PSMC1: variants seen among roughly 807,000 people sequenced by gnomAD.
PSMC1 encodes proteasome 26S subunit, ATPase 1, also known as 26S proteasome regulatory subunit 4.
A neutral mutation model predicts 49.8 loss-of-function variants in PSMC1; 5 were observed. That is an observed-to-expected ratio of 0.10 (90% CI 0.05 to 0.21). The LOEUF (loss-of-function observed/expected upper bound fraction) is 0.21. Among genes scored for constraint, PSMC1 ranks in the 10% least tolerant of loss-of-function variants. The probability of loss-of-function intolerance (pLI) is 1.00; values close to 1 mark genes in which losing one functional copy is unlikely to be tolerated. For synonymous variants in PSMC1, 155 were observed against 192.1 expected (o/e 0.81, Z 1.60); for missense variants, 181 against 535.7 (o/e 0.34, Z 6.54).
chr14:90,260,310 G>A, intron 3 of PSMC1, 99 bp downstream of exon 3: 3 of 787,072 alleles, frequency 3.8e-6, no homozygotes, highest in Non-Finnish European at 6.2e-6. Context: ...GGAAGTAGAG[G>A]GGCAACTGAA....
At chr14:90,265,561 C>T (rs1246740435) in intron 7 of PSMC1, among the ~76,000 whole-genome samples, 1 of 151,678 alleles carries the variant, frequency 6.6e-6, no homozygotes, top group Admixed American at 6.6e-5. Context: ...TGGTGACGTG[C>T]GCCTGTAGTC....
At position 90,265,613 on chromosome 14, in the gene PSMC1, C is replaced by T. The variant is rs191253344; in HGVS notation, c.691+447C>T. ...CTGAGGCAGGAGAATGGCATGAACCCGGGAGGCGGTGCTTGTAGTGAGCGG... is the reference window on the plus strand; with the variant it reads ...CTGAGGCAGGAGAATGGCATGAACCTGGGAGGCGGTGCTTGTAGTGAGCGG... On this transcript the variant is annotated intron_variant, in intron 7 of 10. Transcript: ENST00000261303. Among the ~76,000 whole-genome samples, 678 of 149,378 alleles carry T rather than the reference C, an allele frequency of 4.5e-3. 2 individuals carry two copies. The highest frequency in any genetic ancestry group is 7.7e-3 in the Non-Finnish European group (520 of 67,702).
In PSMC1 at chr14:90,260,189, T is replaced by C; in HGVS notation, c.132T>C (p.Asp44=). The change falls in exon 3 of 11, where the codon GAT becomes GAC. Residue 44 remains aspartate (D), a synonymous_variant. Coordinates refer to ENST00000261303, the MANE Select transcript of PSMC1 (RefSeq NM_002802.3). ...GKKKKKTKGP[D]AASKLPLVTP... ...AGAAGAAGAAAACAAAGGGACCAGA[T>C]GCTGCCAGCAAACTGCCACTGGGTA... The C allele has an allele frequency of 6.2e-7, 1 of 1,611,466 alleles. No homozygotes were observed. Among genetic ancestry groups the C allele is most frequent in the Non-Finnish European group, 8.5e-7 (1 of 1,178,286 alleles).
At chr14:90,260,440 A>T (rs1476216604) in intron 3 of PSMC1, among the ~76,000 whole-genome samples, 3 of 152,202 alleles carry the variant, frequency 2.0e-5, no homozygotes, top group Non-Finnish European at 4.4e-5. Context: ...ACTTTAAGAA[A>T]TGTCACCGTG....
rs146551745 is a variant in PSMC1 at position 90,257,332 on chromosome 14, T to A, written c.3+732T>A. Among the ~76,000 whole-genome samples the A allele has an allele frequency of 3.9e-5, 6 of 152,218 alleles. No homozygotes were observed. The East Asian group carries it at 1.2e-3, about 29-fold the overall frequency. ...GCAGACAATCATCAGAAATATGTAA[T>A]ATGATGTCAGGGGTGGGGTGGTCAT... On this transcript the variant is annotated intron_variant, in intron 1 of 10. Coordinates refer to ENST00000261303, the MANE Select transcript of PSMC1 (RefSeq NM_002802.3).
intron 3 of PSMC1, among the ~76,000 whole-genome samples, chr14:90,262,677 G>C (rs1347670123): frequency 6.6e-6 from 1 of 151,960 alleles, no homozygotes; most frequent in African/African-American, 2.4e-5. Flanking sequence ...CCAACTATTC[G>C]GGAGGCTGAG....
rs1423996272 is a variant in PSMC1 at position 90,272,659 on chromosome 14, C to T, written c.*252C>T. 5 of 327,628 alleles carry T rather than the reference C, an allele frequency of 1.5e-5. No individual in the cohort carries two copies. Among genetic ancestry groups the T allele is most frequent in the South Asian group, 3.9e-5 (1 of 25,340 alleles). The allele number at this position is 327,628 out of a possible 1,614,324, so 20.3% of individuals were successfully genotyped here. A position where few individuals can be genotyped will look rare whatever the true frequency, so the allele number is the denominator to read the frequency against. On this transcript the variant is annotated 3_prime_UTR_variant, in exon 11 of 11. Coordinates refer to ENST00000261303, the MANE Select transcript of PSMC1 (RefSeq NM_002802.3). This position sits in a 1 kb window ranked among gnomAD's most constrained non-coding sequence, Gnocchi z 4.5. Reference sequence around the variant, plus strand: ...TTCTGCAGTCTCCACACACACCTACCGCTCAACAGCAGCCTGTGGGTGGAC... The same window carrying T: ...TTCTGCAGTCTCCACACACACCTACTGCTCAACAGCAGCCTGTGGGTGGAC...
chr14:90,270,904 A>G (rs1168090118), intron 10 of PSMC1: 1 of 152,298 alleles, frequency 6.6e-6, no homozygotes, highest in Non-Finnish European at 1.5e-5. Context: ...CGTTGGGCAT[A>G]AATGCCATGG....
At chr14:90,262,529 A>T (rs1294195006) in intron 3 of PSMC1, among the ~76,000 whole-genome samples, 1 of 152,200 alleles carries the variant, frequency 6.6e-6, no homozygotes, top group African/African-American at 2.4e-5. Context: ...AAATGATACA[A>T]TTCCCAGCAC....
At chr14:90,256,742 G>A in intron 1 of PSMC1, 142 bp downstream of exon 1, 1 of 1,360,620 alleles carries the variant, frequency 7.3e-7, no homozygotes, top group Non-Finnish European at 1.0e-6. Flanking sequence ...TCGGCGGGTG[G>A]AGGCTCCCAG....
chr14:90,274,838 A>ACACACACACACACACCCCC lies in PSMC1; in HGVS notation c.*2432_*2433insACACACACACACACCCCCC. On this transcript the variant is annotated 3_prime_UTR_variant, in exon 11 of 11. Coordinates refer to ENST00000261303, the MANE Select transcript of PSMC1 (RefSeq NM_002802.3). ...CACACACACACACACACACACACAC[A>ACACACACACACACACCCCC]CCCCAATACATATGAATTGATCTGA... 1 of 67,220 alleles carries ACACACACACACACACCCCC rather than the reference A, an allele frequency of 1.5e-5. No individual in the cohort carries two copies. The highest frequency in any genetic ancestry group is 1.6e-4 in the Admixed American group (1 of 6,240). The allele number at this position is 67,220 out of a possible 1,614,324, so 4.2% of individuals were successfully genotyped here.
At chr14:90,267,932 T>G (rs572024612) in intron 7 of PSMC1, 2 of 300,800 alleles carry the variant, frequency 6.6e-6, no homozygotes, top group Middle Eastern at 1.0e-3. Context: ...TCGCAGCTTT[T>G]CAGGGGAAAC....
Position 90,270,262 on chromosome 14 carries a change from G to T in PSMC1, c.1098G>T (p.Gln366His). 1 of 1,613,702 alleles carries T rather than the reference G, an allele frequency of 6.2e-7. No homozygotes were observed. Among genetic ancestry groups the T allele is most frequent in the Non-Finnish European group, 8.5e-7 (1 of 1,179,878 alleles). Residue 366 changes from glutamine to histidine, a missense_variant, in exon 10 of 11, where the codon CAG (glutamine) becomes CAT (histidine). Gln to His is a conservative substitution (Grantham distance 24). This residue lies in a region of PSMC1 where 60 missense variants were observed against 155.5 expected (regional missense o/e 0.39). Coordinates refer to ENST00000261303, the MANE Select transcript of PSMC1 (RefSeq NM_002802.3). ...PDEKTKKRIFQIHTSRMTLAD... is the reference protein window; with the variant it reads ...PDEKTKKRIFHIHTSRMTLAD... ...AAAAGACGAAGAAGCGCATCTTTCA[G>T]ATTCACACAAGCAGGATGACGCTGG... is the stretch of plus-strand genomic sequence containing the variant.
chr14:90,268,040 T>A (rs1175021720), intron 7 of PSMC1, 184 bp from the exon 8 acceptor site: 3 of 511,782 alleles, frequency 5.9e-6, no homozygotes, highest in Non-Finnish European at 1.0e-5. Flanking sequence ...GTTAGTAGAT[T>A]TTTCTAAATG....
At position 90,263,310 on chromosome 14, in the gene PSMC1, A is replaced by C. The variant is rs1340401622; in HGVS notation, c.155-8A>C. 1.9e-6 allele frequency: 3 copies of C among 1,585,346 alleles called. No homozygotes were observed. In the Admixed American group the frequency reaches 5.8e-5, roughly 31 times the overall value. ...CACATATAATGAAACTTTATATTTA[A>C]ATTTCAGTGACACCTCACACTCAGT... On this transcript the variant is annotated splice_polypyrimidine_tract_variant and splice_region_variant and intron_variant, in intron 3 of 10. Coordinates refer to ENST00000261303, the MANE Select transcript of PSMC1 (RefSeq NM_002802.3).
At chr14:90,266,296 G>A (rs187410198) in intron 7 of PSMC1, among the ~76,000 whole-genome samples, 37 of 152,090 alleles carry the variant, frequency 2.4e-4, no homozygotes, top group African/African-American at 8.9e-4. Context: ...TGCAGTATCA[G>A]ATTCATTTGG....
chr14:90,275,163 CAAA>C lies in PSMC1; in HGVS notation c.*2759_*2761del, dbSNP rs1891776355. ...TCAAAAGTATCCACGTCTTGGAAGT[CAAA>C]AAGCTTCCAATCAGAAGGAGACCAA... On this transcript the variant is annotated 3_prime_UTR_variant, in exon 11 of 11. Coordinates refer to ENST00000261303, the MANE Select transcript of PSMC1 (RefSeq NM_002802.3). The C allele has an allele frequency of 1.3e-5, 2 of 152,200 alleles. No individual in the cohort carries two copies. The highest frequency in any genetic ancestry group is 2.9e-5 in the Non-Finnish European group (2 of 68,020). The allele number at this position is 152,200 out of a possible 1,614,324, so 9.4% of individuals were successfully genotyped here.
rs1566678010 is a variant in PSMC1 at position 90,274,809 on chromosome 14, C to T, written c.*2402C>T. 4.4e-5 allele frequency: 3 copies of T among 68,214 alleles called. No individual in the cohort carries two copies. Among genetic ancestry groups the T allele is most frequent in the African/African-American group, 2.0e-4 (3 of 14,862 alleles). 4.2% of individuals were successfully genotyped at this position (68,214 alleles called of 1,614,324 possible). A position where few individuals can be genotyped will look rare whatever the true frequency, so the allele number is the denominator to read the frequency against. On this transcript the variant is annotated 3_prime_UTR_variant, in exon 11 of 11. Coordinates refer to ENST00000261303, the MANE Select transcript of PSMC1 (RefSeq NM_002802.3). The stretch of plus-strand genomic sequence containing the variant: ...AACTACACACACACACACACACACA[C>T]ACACACACACACACACACACACACA...
rs932115166 is a variant in PSMC1, at chr14:90,275,170, C to G, written c.*2763C>G. The G allele has an allele frequency of 3.9e-5, 6 of 152,128 alleles. No individual in the cohort carries two copies. Among genetic ancestry groups the G allele is most frequent in the Non-Finnish European group, 7.4e-5 (5 of 68,018 alleles). 9.4% of individuals were successfully genotyped at this position (152,128 alleles called of 1,614,324 possible). A position where few individuals can be genotyped will look rare whatever the true frequency, so the allele number is the denominator to read the frequency against. On this transcript the variant is annotated 3_prime_UTR_variant, in exon 11 of 11. Transcript: ENST00000261303. ...TATCCACGTCTTGGAAGTCAAAAAG[C>G]TTCCAATCAGAAGGAGACCAAAGAG...
Sources: allele counts gnomAD v4.1 joint callset (sites outside exome capture counted in the v4.1 genomes callset), GRCh38; gene constraint gnomAD v4.1.1; regional missense constraint gnomAD v4.1.1; non-coding constraint Gnocchi (gnomAD v3.1); transcripts MANE v1.5; gene names NCBI Gene and HGNC (gene_info 2026-07-23, HGNC 2026-07-21).